The following ZNF365 variants were observed in gnomAD, a reference collection of about 807,000 sequenced individuals.
ZNF365 encodes zinc finger protein 365.
A neutral mutation model predicts 35.0 loss-of-function variants in ZNF365; 22 were observed. That is an observed-to-expected ratio of 0.63 (90% confidence interval 0.45 to 0.90). The LOEUF (loss-of-function observed/expected upper bound fraction) is 0.90. Ranked by LOEUF, ZNF365 falls within the 40% of genes least tolerant of loss-of-function variation. The pLI, the probability that ZNF365 is intolerant of heterozygous loss-of-function variation, is 0.00. For missense variants in ZNF365, 448 were observed against 500.3 expected, an observed-to-expected ratio of 0.90 and a Z score of 1.00; for synonymous variants, 188 against 196.2, an observed-to-expected ratio of 0.96 and a Z score of 0.35.
intron 4 of ZNF365, among the ~76,000 whole-genome samples, chr10:62,468,450 G>A (rs1840980155): frequency 6.6e-6 from 1 of 152,126 alleles, no homozygotes. Flanking sequence ...GATCTAGTTT[G>A]AGGCACTAAG....
At chr10:62,418,456 C>G (rs932570771) in intron 3 of ZNF365, among the ~76,000 whole-genome samples, 1 of 151,958 alleles carries the variant, frequency 6.6e-6, no homozygotes. Flanking sequence ...AAAATGACTT[C>G]TCTTCAAAAA....
At chr10:62,388,651 G>T in intron 3 of ZNF365, 75 bp downstream of exon 3, 1 of 1,540,446 alleles carries the variant, frequency 6.5e-7, no homozygotes, top group Non-Finnish European at 8.8e-7. Context: ...CAGAGAAAAG[G>T]GAGCTGGGTG....
At chr10:62,405,446 G>T (rs1403483531), downstream of ZNF365, among the ~76,000 whole-genome samples, 1 of 152,158 alleles carries the variant, frequency 6.6e-6, no homozygotes, top group Admixed American at 6.5e-5. Flanking sequence ...TGAGAAAAAG[G>T]AATTGTCCTT....
intron 3 of ZNF365, among the ~76,000 whole-genome samples, chr10:62,397,992 G>A (rs1306615164): frequency 2.0e-5 from 3 of 152,140 alleles, no homozygotes; most frequent in Admixed American, 6.5e-5. Flanking sequence ...CACCCATCAC[G>A]TGAGCAGTGT....
downstream of ZNF365, among the ~76,000 whole-genome samples, chr10:62,406,942 C>T (rs933122030): frequency 4.6e-5 from 7 of 152,260 alleles, no homozygotes; most frequent in Admixed American, 4.6e-4. Flanking sequence ...TCCAGTGAGA[C>T]AGCATCATTC....
chr10:62,381,941 C>T (rs186305422), intron 2 of ZNF365, among the ~76,000 whole-genome samples: 46 of 152,296 alleles, frequency 3.0e-4, no homozygotes, highest in Admixed American at 1.8e-3. Flanking sequence ...GTTTGCTGAG[C>T]AGCAGATACT....
At chr10:62,451,402 C>T (rs1231096027) in intron 3 of ZNF365, among the ~76,000 whole-genome samples, 3 of 151,870 alleles carry the variant, frequency 2.0e-5, no homozygotes, top group Admixed American at 6.6e-5. Context: ...GGCTTGGCAG[C>T]GACAAAAAGC....
intron 3 of ZNF365, among the ~76,000 whole-genome samples, chr10:62,448,450 T>G (rs936692495): frequency 6.6e-6 from 1 of 152,194 alleles, no homozygotes; most frequent in Non-Finnish European, 1.5e-5. Flanking sequence ...AGCTGAGAGA[T>G]AAAAATAATG....
chr10:62,477,307 G>A (rs548354936), intron 4 of ZNF365, among the ~76,000 whole-genome samples: 1 of 152,146 alleles, frequency 6.6e-6, no homozygotes, highest in African/African-American at 2.4e-5. Context: ...TGAAATTTTG[G>A]AACACTAAAG....
In ZNF365 at chr10:62,456,899, T is replaced by G. The variant is rs113834352; in HGVS notation, c.925-2842T>G. On this transcript the variant is annotated intron_variant, in intron 3 of 4. Transcript: ENST00000395255. ...CAACAATAAGCATTTACTTAACATG[T>G]GTATGTGTGGGTTGGCTGAGGTCAG... Among the ~76,000 whole-genome samples, 695 of 152,206 alleles carry G rather than the reference T, an allele frequency of 4.6e-3. 2 individuals carry two copies. The highest frequency in any genetic ancestry group is 0.015 in the African/African-American group (632 of 41,534).
intron 3 of ZNF365, among the ~76,000 whole-genome samples, chr10:62,392,806 AT>A (rs1294310599): frequency 1.3e-5 from 2 of 151,704 alleles, no homozygotes; most frequent in African/African-American, 4.8e-5. Context: ...AATTTTTTGT[AT>A]TTTTAATAGA....
chr10:62,463,280 C>G (rs1004865122), intron 4 of ZNF365, among the ~76,000 whole-genome samples: 10 of 152,200 alleles, frequency 6.6e-5, no homozygotes, highest in Non-Finnish European at 1.3e-4. Flanking sequence ...TACTGGTCAC[C>G]TCACCTTCTT....
rs568486585 is a variant in ZNF365, at chr10:62,419,269, G to A, written c.924+30693G>A. Among the ~76,000 whole-genome samples, 44 of 152,098 alleles carry A rather than the reference G, an allele frequency of 2.9e-4. 1 individual carries two copies. In the South Asian group the frequency reaches 8.9e-3, roughly 31 times the overall value. ...CAGTTGGATTAATCTTACTATGTTT[G>A]CAAACTTAGACAAGTTACTTAACTT... On this transcript the variant is annotated intron_variant, in intron 3 of 4. Coordinates refer to the ZNF365 transcript ENST00000395255.
At chr10:62,417,682 T>C (rs1840096737) in intron 3 of ZNF365, among the ~76,000 whole-genome samples, 1 of 151,788 alleles carries the variant, frequency 6.6e-6, no homozygotes, top group Admixed American at 6.6e-5. Flanking sequence ...TTTTTAATAC[T>C]TGGGGAAACT....
chr10:62,478,596 C>T (rs779530134), intron 4 of ZNF365, among the ~76,000 whole-genome samples: 8 of 152,126 alleles, frequency 5.3e-5, no homozygotes, highest in Non-Finnish European at 8.8e-5. Flanking sequence ...TTTTTTGAGA[C>T]GGAGTCTCGC....
At chr10:62,383,895 T>C (rs1252878445) in intron 2 of ZNF365, among the ~76,000 whole-genome samples, 1 of 152,190 alleles carries the variant, frequency 6.6e-6, no homozygotes, top group Non-Finnish European at 1.5e-5. Context: ...TGGAAAGGGC[T>C]TTTTCCCTCA....
intron 2 of ZNF365, among the ~76,000 whole-genome samples, chr10:62,383,944 C>G (rs1338874549): frequency 6.6e-6 from 1 of 151,992 alleles, no homozygotes; most frequent in Non-Finnish European, 1.5e-5. Flanking sequence ...GGATACCTAT[C>G]CATCTGACAG....
chr10:62,421,785 G>A (rs10733775), intron 3 of ZNF365, among the ~76,000 whole-genome samples: 93,241 of 151,790 alleles, frequency 0.61, 29,315 homozygotes, highest in East Asian at 0.84. Context: ...TTTCAGGTCA[G>A]CATTAACTTA....
chr10:62,417,506 A>G (rs1840093726), intron 3 of ZNF365, among the ~76,000 whole-genome samples: 1 of 152,068 alleles, frequency 6.6e-6, no homozygotes, highest in African/African-American at 2.4e-5. Context: ...AGAAATGAAA[A>G]TCAGCTCATC....
Sources: allele counts gnomAD v4.1 joint callset (sites outside exome capture counted in the v4.1 genomes callset), GRCh38; gene constraint gnomAD v4.1.1; transcripts MANE v1.5; gene names NCBI Gene and HGNC (gene_info 2026-07-23, HGNC 2026-07-21).